HSF5: variants seen among roughly 807,000 people sequenced by gnomAD.
The protein encoded by HSF5 is heat shock transcription factor 5, also known as heat shock factor protein 5.
HSF5 carries 5 observed loss-of-function variants against 50.8 expected under a neutral mutation model. That is an observed-to-expected ratio of 0.10 (90% confidence interval 0.05 to 0.21). The LOEUF is 0.21. Among genes scored for constraint, HSF5 ranks in the 10% least tolerant of loss-of-function variants. The probability of loss-of-function intolerance (pLI) is 1.00; values close to 1 mark genes in which losing one functional copy is unlikely to be tolerated. For missense variants in HSF5, 564 were observed against 762.6 expected (o/e 0.74, Z 3.07); for synonymous variants, 307 against 307.4 (o/e 1.00, Z 0.02).
Position 58,462,987 on chromosome 17 carries a change from G to C in HSF5, c.1337C>G (p.Thr446Arg), listed in dbSNP as rs202190243. 106 of 1,614,180 alleles carry C rather than the reference G, an allele frequency of 6.6e-5. No homozygotes were observed. The East Asian group carries it at 2.3e-3, about 35-fold the overall frequency. The change falls in exon 4 of 6, where the codon ACA becomes AGA. Residue 446 changes from threonine to arginine, a missense_variant. Around this residue, in one of 5 missense-constraint regions of HSF5, gnomAD observed 441 missense variants for 533.6 expected, o/e 0.83. Coordinates refer to ENST00000323777, the MANE Select transcript of HSF5 (RefSeq NM_001080439.3). Reference protein sequence around the residue: ...GSDIMSFVVGTEQAVACSLPQ... With the variant: ...GSDIMSFVVGREQAVACSLPQ... ...TAGAGAGCAGGCAACTGCTTGTTCTGTTCCAACCACAAAAGACATAATATC... is the reference window on the plus strand; with the variant it reads ...TAGAGAGCAGGCAACTGCTTGTTCTCTTCCAACCACAAAAGACATAATATC...
chr17:58,480,431 A>G (rs933750993), intron 1 of HSF5, among the ~76,000 whole-genome samples, 164 bp from the exon 2 acceptor site: 1 of 152,250 alleles, frequency 6.6e-6, no homozygotes, highest in Admixed American at 6.5e-5. Flanking sequence ...TATGAGACAT[A>G]TAATGCTGAA....
intron 5 of HSF5, among the ~76,000 whole-genome samples, chr17:58,423,599 C>A (rs1974253911): frequency 6.6e-6 from 1 of 151,432 alleles, no homozygotes; most frequent in Non-Finnish European, 1.5e-5. Flanking sequence ...CCTGCCTCAG[C>A]CTCCCAAGTA....
chr17:58,482,033 A>C (rs1884834035), intron 1 of HSF5, among the ~76,000 whole-genome samples: 2 of 152,200 alleles, frequency 1.3e-5, no homozygotes, highest in South Asian at 4.1e-4. Context: ...TGAGTCCAGG[A>C]GTTCAAGGTT....
In HSF5 at chr17:58,434,777, C is replaced by T. The variant is rs765413166; in HGVS notation, c.1721-12347G>A. ...GCTGAGATGGGAGGATTGCTTGAGC[C>T]GGGAAGTCGAGGTTGCAGTGAGCTG... On this transcript the variant is annotated intron_variant, in intron 5 of 5. Coordinates refer to ENST00000323777, the MANE Select transcript of HSF5 (RefSeq NM_001080439.3). 3.9e-5 allele frequency among the ~76,000 whole-genome samples: 6 copies of T among 152,066 alleles called. 1 individual carries two copies. The highest frequency in any genetic ancestry group is 7.4e-5 in the Non-Finnish European group (5 of 67,968).
intron 5 of HSF5, among the ~76,000 whole-genome samples, chr17:58,427,807 G>C (rs1974314905): frequency 6.6e-6 from 1 of 152,176 alleles, no homozygotes; most frequent in South Asian, 2.1e-4. Context: ...AATGATCAGG[G>C]CTGCAAAAAT....
intron 1 of HSF5, among the ~76,000 whole-genome samples, chr17:58,483,567 G>C (rs1455455027): frequency 6.6e-6 from 1 of 152,144 alleles, no homozygotes; most frequent in Non-Finnish European, 1.5e-5. Flanking sequence ...TTTCTTTTAT[G>C]GAAGTGCGTC....
intron 4 of HSF5, 46 bp downstream of exon 4, chr17:58,462,736 C>G: frequency 6.6e-7 from 1 of 1,517,178 alleles, no homozygotes; most frequent in Non-Finnish European, 8.9e-7. Flanking sequence ...AGCAGAAGTA[C>G]TAGGTACTTT....
At chr17:58,470,675 C>T (rs1974931243) in intron 2 of HSF5, among the ~76,000 whole-genome samples, 1 of 152,104 alleles carries the variant, frequency 6.6e-6, no homozygotes, top group South Asian at 2.1e-4. Context: ...CATCTGTAAT[C>T]CCAGCACTTT....
At chr17:58,456,939 A>T (rs560942511) in intron 5 of HSF5, among the ~76,000 whole-genome samples, 4 of 152,286 alleles carry the variant, frequency 2.6e-5, no homozygotes, top group African/African-American at 9.6e-5. Context: ...CCTGGGCAAC[A>T]TAGTGAGACC....
rs537297138 is a variant in HSF5, at chr17:58,463,420, A to G, written c.1021-117T>C. The stretch of plus-strand genomic sequence containing the variant: ...CATAAATAGATTAAACTTAAAGATC[A>G]CTAAGAAAACCTAGACACTAATCTA... On this transcript the variant is annotated intron_variant, in intron 3 of 5. Transcript: ENST00000323777. 3.8e-4 allele frequency: 304 copies of G among 796,390 alleles called. 2 individuals carry two copies. The South Asian group carries it at 4.5e-3, about 12-fold the overall frequency. The allele number at this position is 796,390 out of a possible 1,614,324, so 49.3% of individuals were successfully genotyped here.
intron 5 of HSF5, among the ~76,000 whole-genome samples, chr17:58,433,910 G>GGTTTTTTTTT (rs1974393419): frequency 1.8e-5 from 1 of 55,282 alleles, no homozygotes; most frequent in Non-Finnish European, 3.7e-5. Flanking sequence ...AGGTCAAAGG[G>GGTTTTTTTTT]ATTTTTTTTT....
intron 5 of HSF5, among the ~76,000 whole-genome samples, chr17:58,451,515 TAG>T (rs1974641598): frequency 6.6e-6 from 1 of 152,056 alleles, no homozygotes; most frequent in Non-Finnish European, 1.5e-5. Context: ...GCAATAAAAC[TAG>T]AAATCAATAC....
At chr17:58,477,874 T>C (rs1349702405) in intron 2 of HSF5, among the ~76,000 whole-genome samples, 2 of 152,032 alleles carry the variant, frequency 1.3e-5, no homozygotes, top group Non-Finnish European at 2.9e-5. Context: ...CTGGGAGAAA[T>C]GGTCTAACAA....
intron 3 of HSF5, 32 bp downstream of exon 3, chr17:58,466,853 G>GCGGA (rs1241508643): frequency 1.5e-6 from 2 of 1,312,390 alleles, no homozygotes; most frequent in Non-Finnish European, 2.2e-6. Flanking sequence ...CACATAAAGC[G>GCGGA]CGGAGCATGG....
At chr17:58,484,218 A>C (rs1252278979) in intron 1 of HSF5, among the ~76,000 whole-genome samples, 1 of 152,022 alleles carries the variant, frequency 6.6e-6, no homozygotes, top group African/African-American at 2.4e-5. Flanking sequence ...AAAAAAAAAA[A>C]ACACCAAACA....
At chr17:58,476,834 T>G in intron 2 of HSF5, 1 of 1,535,914 alleles carries the variant, frequency 6.5e-7, no homozygotes, top group Non-Finnish European at 9.0e-7. Flanking sequence ...TATTTCATTT[T>G]GGATTTCATC....
rs903233619 is a variant in HSF5, at chr17:58,459,563, C to T, written c.1543-618G>A. On this transcript the variant is annotated intron_variant, in intron 4 of 5. Transcript: ENST00000323777. ...TCGGGAGGCTGAGGCAGGAGAATCG[C>T]TTGAACCCAGGAGATGGAGGTTGCA... is the stretch of plus-strand genomic sequence containing the variant. Among the ~76,000 whole-genome samples the T allele has an allele frequency of 5.7e-4, 86 of 149,998 alleles. 5 individuals are homozygous for T. Among genetic ancestry groups the T allele is most frequent in the Non-Finnish European group, 1.5e-5 (1 of 67,718 alleles).
At chr17:58,464,915 C>T (rs1036097491) in intron 3 of HSF5, among the ~76,000 whole-genome samples, 3 of 151,418 alleles carry the variant, frequency 2.0e-5, no homozygotes, top group Non-Finnish European at 2.9e-5. Flanking sequence ...GGATTACAGG[C>T]GTGAGCCACC....
At chr17:58,461,227 C>T (rs1294589864) in intron 4 of HSF5, among the ~76,000 whole-genome samples, 1 of 108,804 alleles carries the variant, frequency 9.2e-6, no homozygotes, top group Non-Finnish European at 2.3e-5. Flanking sequence ...ACAACAACAA[C>T]AACAACAACA....
Sources: gnomAD v4.1 joint callset for allele counts (sites outside exome capture counted in the v4.1 genomes callset) on GRCh38, gnomAD v4.1.1 for gene constraint, gnomAD v4.1.1 regional missense constraint, MANE v1.5 for transcripts, NCBI Gene and HGNC (gene_info 2026-07-23, HGNC 2026-07-21) for gene names.